Variants in NAALADL2 observed in about 807,000 individuals in gnomAD.
NAALADL2 encodes inactive N-acetylated-alpha-linked acidic dipeptidase-like protein 2.
Under a neutral mutation model 87.2 loss-of-function variants are expected in NAALADL2, and 76 were observed. That is an observed-to-expected ratio of 0.87 (90% CI 0.72 to 1.05). The LOEUF is 1.05. Among genes scored for constraint, NAALADL2 ranks in the 50% least tolerant of loss-of-function variants. NAALADL2 has a pLI of 0.00. For missense variants in NAALADL2, 1,089 were observed against 945.8 expected, an observed-to-expected ratio of 1.15 and a Z score of -1.99; for synonymous variants, 354 against 331.0, an observed-to-expected ratio of 1.07 and a Z score of -0.75.
chr3:175,399,026 A>AT (rs919534517), intron 5 of NAALADL2, among the ~76,000 whole-genome samples: 5 of 151,774 alleles, frequency 3.3e-5, no homozygotes, highest in East Asian at 3.9e-4. Context: ...CCTAGGTACA[A>AT]TTTTTTTTAA....
chr3:175,073,361 CT>C (rs544656165), intron 1 of NAALADL2, among the ~76,000 whole-genome samples: 73 of 152,150 alleles, frequency 4.8e-4, no homozygotes, highest in Non-Finnish European at 8.7e-4. Flanking sequence ...GATCTTACAA[CT>C]TTGAGATCAG....
chr3:175,380,355 C>G (rs1448932985), intron 5 of NAALADL2, among the ~76,000 whole-genome samples: 2 of 152,268 alleles, frequency 1.3e-5, no homozygotes, highest in African/African-American at 2.4e-5. Flanking sequence ...ATTTTTCTCT[C>G]TATCCACAAT....
chr3:175,509,665 A>G (rs1243051346), intron 9 of NAALADL2, among the ~76,000 whole-genome samples: 1 of 152,204 alleles, frequency 6.6e-6, no homozygotes, highest in Admixed American at 6.5e-5. Flanking sequence ...ATTAATAAGC[A>G]GATGAGTAAA....
chr3:175,602,171 A>G lies in NAALADL2; in HGVS notation c.1801-25120A>G, dbSNP rs1723055742. ...TTATCTACGTATTGTAACTATTGAT[A>G]GAAGAGTAGATAGGAAAATAAAAGA... is the stretch of plus-strand genomic sequence containing the variant. On this transcript the variant is annotated intron_variant, in intron 10 of 13. Coordinates refer to ENST00000454872, the MANE Select transcript of NAALADL2 (RefSeq NM_207015.3). Among the ~76,000 whole-genome samples, 3 of 152,180 alleles carry G rather than the reference A, an allele frequency of 2.0e-5. No individual in the cohort carries two copies. The South Asian group carries it at 6.2e-4, about 31-fold the overall frequency.
chr3:174,822,735 T>A (rs76322802), intron 3 of NAALADL2, among the ~76,000 whole-genome samples: 2,903 of 152,266 alleles, frequency 0.019, 98 homozygotes, highest in African/African-American at 0.066. Flanking sequence ...AAGGTATGAT[T>A]TGTACTCAGA....
chr3:174,591,759 T>A (rs1216511757), intron 2 of NAALADL2, among the ~76,000 whole-genome samples: 1 of 152,180 alleles, frequency 6.6e-6, no homozygotes, highest in Admixed American at 6.5e-5. Context: ...TAGAATGAAA[T>A]TATAGTATAC....
intron 10 of NAALADL2, among the ~76,000 whole-genome samples, chr3:175,621,128 C>T (rs540977445): frequency 4.6e-5 from 7 of 152,276 alleles, no homozygotes; most frequent in African/African-American, 1.7e-4. Context: ...TACGTAAAAC[C>T]GGCAGCTCGG....
At chr3:174,682,242 T>G (rs1347942526) in intron 2 of NAALADL2, among the ~76,000 whole-genome samples, 1 of 152,168 alleles carries the variant, frequency 6.6e-6, no homozygotes, top group African/African-American at 2.4e-5. Context: ...CTGCAGTAGA[T>G]AGAACATGAG....
chr3:175,504,444 A>G (rs1729980550), intron 9 of NAALADL2, among the ~76,000 whole-genome samples: 1 of 152,186 alleles, frequency 6.6e-6, no homozygotes, highest in Non-Finnish European at 1.5e-5. Flanking sequence ...TTCTGGAGAT[A>G]GGGTCTATAG....
intron 4 of NAALADL2, among the ~76,000 whole-genome samples, chr3:175,307,893 T>C (rs1757907869): frequency 6.6e-6 from 1 of 152,224 alleles, no homozygotes; most frequent in South Asian, 2.1e-4. Flanking sequence ...AACAAATTAC[T>C]TTCACTTTCA....
intron 2 of NAALADL2, among the ~76,000 whole-genome samples, chr3:175,129,395 A>G (rs1355690152): frequency 6.6e-6 from 1 of 152,174 alleles, no homozygotes; most frequent in Non-Finnish European, 1.5e-5. Context: ...ATTAGTCACC[A>G]TGGTGTACAA....
intron 3 of NAALADL2, among the ~76,000 whole-genome samples, chr3:174,765,539 T>C (rs908513292): frequency 6.6e-6 from 1 of 152,176 alleles, no homozygotes; most frequent in Non-Finnish European, 1.5e-5. Context: ...CTATGGGCCC[T>C]GAAGAGGTAG....
chr3:175,750,296 G>A (rs567920721), intron 12 of NAALADL2, among the ~76,000 whole-genome samples: 3 of 152,238 alleles, frequency 2.0e-5, no homozygotes, highest in Admixed American at 6.5e-5. Flanking sequence ...CTGAGCAAAA[G>A]GCTTTTGTTT....
intron 10 of NAALADL2, among the ~76,000 whole-genome samples, chr3:175,602,961 T>A (rs1191379487): frequency 6.6e-6 from 1 of 152,196 alleles, no homozygotes; most frequent in Non-Finnish European, 1.5e-5. Context: ...TCTCCCTATA[T>A]AACTTTTTTC....
intron 2 of NAALADL2, among the ~76,000 whole-genome samples, chr3:175,181,755 G>GTGTGTATA (rs1736573923): frequency 1.3e-5 from 1 of 79,464 alleles, no homozygotes; most frequent in African/African-American, 4.2e-5. Context: ...GTATATATAT[G>GTGTGTATA]TGTGTATATA....
chr3:175,296,975 G>T (rs907716167), intron 4 of NAALADL2, among the ~76,000 whole-genome samples: 26 of 152,280 alleles, frequency 1.7e-4, no homozygotes, highest in African/African-American at 6.3e-4. Flanking sequence ...TAGGCTTACA[G>T]AAGAGGCCAC....
intron 4 of NAALADL2, 162 bp downstream of exon 4, chr3:175,256,692 C>T (rs955485468): frequency 2.7e-5 from 14 of 514,734 alleles, no homozygotes; most frequent in Non-Finnish European, 3.9e-5. Flanking sequence ...AGAAAGATGG[C>T]TTTTCCACAT....
At chr3:174,727,163 GA>G (rs1321336254) in intron 2 of NAALADL2, among the ~76,000 whole-genome samples, 6 of 149,770 alleles carry the variant, frequency 4.0e-5, no homozygotes, top group Non-Finnish European at 8.9e-5. Flanking sequence ...ATGTTTGTGT[GA>G]TGTATTTCTG....
intron 2 of NAALADL2, among the ~76,000 whole-genome samples, chr3:174,726,983 A>G (rs1004009773): frequency 2.0e-5 from 3 of 152,088 alleles, no homozygotes; most frequent in African/African-American, 7.2e-5. Context: ...TCATTTATTT[A>G]TTAACCATAT....
Sources: allele counts gnomAD v4.1 joint callset (sites outside exome capture counted in the v4.1 genomes callset), GRCh38; gene constraint gnomAD v4.1.1; transcripts MANE v1.5; gene names NCBI Gene and HGNC (gene_info 2026-07-23, HGNC 2026-07-21).